The following BMP2K variants were observed in gnomAD, a reference collection of about 807,000 sequenced individuals.
BMP2K encodes BMP-2-inducible protein kinase.
BMP2K carries 74 observed loss-of-function variants against 116.0 expected under a neutral mutation model. The ratio of observed to expected loss-of-function variants is 0.64; its 90% CI spans 0.53 to 0.77. The LOEUF (loss-of-function observed/expected upper bound fraction) is 0.77. Among genes scored for constraint, BMP2K ranks in the 30% least tolerant of loss-of-function variants. BMP2K has a pLI of 0.00. For synonymous variants in BMP2K, 486 were observed against 502.5 expected, an observed-to-expected ratio of 0.97 and a Z score of 0.44; for missense variants, 1,365 against 1,403.6, an observed-to-expected ratio of 0.97 and a Z score of 0.44.
chr4:78,897,646 C>T (rs536172154), intron 15 of BMP2K, among the ~76,000 whole-genome samples: 1 of 152,182 alleles, frequency 6.6e-6, no homozygotes, highest in Non-Finnish European at 1.5e-5. Context: ...TCTGTGTTTT[C>T]ATAGCATTTT....
intron 6 of BMP2K, among the ~76,000 whole-genome samples, chr4:78,848,214 A>C (rs1731099983): frequency 6.6e-6 from 1 of 151,528 alleles, no homozygotes; most frequent in Non-Finnish European, 1.5e-5. Flanking sequence ...CATTCACCAA[A>C]CAGTAATTCT....
At chr4:78,837,927 C>T (rs562838873) in intron 3 of BMP2K, among the ~76,000 whole-genome samples, 1 of 152,180 alleles carries the variant, frequency 6.6e-6, no homozygotes, top group Admixed American at 6.5e-5. Context: ...AAGGGCAGAA[C>T]CAGTGTGGCC....
At chr4:78,862,088 G>A (rs1278946247) in intron 9 of BMP2K, among the ~76,000 whole-genome samples, 2 of 151,776 alleles carry the variant, frequency 1.3e-5, no homozygotes, top group Non-Finnish European at 2.9e-5. Flanking sequence ...TTATCAGACA[G>A]GTATAATACT....
In BMP2K at chr4:78,911,335, G is replaced by A; in HGVS notation, c.2788G>A (p.Asp930Asn). The change falls in exon 16 of 16, where the codon GAT becomes AAT. Residue 930 changes from aspartate (D) to asparagine (N), a missense_variant. Physicochemically the swap from Asp to Asn is conservative, Grantham distance 23. Around this residue, in one of 3 missense-constraint regions of BMP2K, gnomAD observed 596 missense variants for 623.2 expected, o/e 0.96. Coordinates refer to ENST00000502613, the MANE Select transcript of BMP2K (RefSeq NM_198892.2). ...HTIPGYPKSV[D>N]VFGSTPFQPF... ...TATCCCTGGTTATCCCAAAAGTGTA[G>A]ATGTATTTGGCTCCACTCCATTTCA... The A allele has an allele frequency of 1.2e-6, 2 of 1,613,954 alleles. No individual in the cohort carries two copies. The highest frequency in any genetic ancestry group is 1.1e-5 in the South Asian group (1 of 91,070).
chr4:78,875,146 T>C (rs780801676), intron 13 of BMP2K, among the ~76,000 whole-genome samples: 12 of 152,242 alleles, frequency 7.9e-5, no homozygotes, highest in Non-Finnish European at 1.3e-4. Flanking sequence ...ATTAATATTA[T>C]ACCTATTTAA....
intron 8 of BMP2K, chr4:78,859,994 G>A (rs573617460): frequency 1.9e-6 from 1 of 523,328 alleles, no homozygotes; most frequent in African/African-American, 2.0e-5. Context: ...GGGCCTAACA[G>A]TTTAATAAAC....
intron 7 of BMP2K, among the ~76,000 whole-genome samples, chr4:78,851,911 T>C (rs754814611): frequency 6.6e-6 from 1 of 152,084 alleles, no homozygotes; most frequent in Non-Finnish European, 1.5e-5. Flanking sequence ...CCATTAAAAG[T>C]TCCCCCAGAC....
Position 78,910,716 on chromosome 4 carries a change from T to G in BMP2K, c.2169T>G (p.Thr723=). 6.2e-7 allele frequency: 1 copy of G among 1,613,338 alleles called. No homozygotes were observed. ...KTSPASKDQR[T]GKKTSVQGQV... ...GTCCAGCATCTAAAGATCAGCGGACTGGAAAGAAAACCTCAGTACAGGGTC... is the reference window on the plus strand; with the variant it reads ...GTCCAGCATCTAAAGATCAGCGGACGGGAAAGAAAACCTCAGTACAGGGTC... Residue 723 remains threonine, a synonymous_variant, in exon 16 of 16, where the codon ACT becomes ACG. Coordinates refer to ENST00000502613, the MANE Select transcript of BMP2K (RefSeq NM_198892.2).
At chr4:78,791,051 A>AT (rs1436069104) in intron 1 of BMP2K, among the ~76,000 whole-genome samples, 1 of 151,574 alleles carries the variant, frequency 6.6e-6, no homozygotes, top group Non-Finnish European at 1.5e-5. Flanking sequence ...GTTCCTTAAT[A>AT]TTTTTTTATA....
intron 1 of BMP2K, among the ~76,000 whole-genome samples, chr4:78,783,148 A>G (rs552832981): frequency 6.6e-6 from 1 of 152,182 alleles, no homozygotes; most frequent in Non-Finnish European, 1.5e-5. Flanking sequence ...TTTGTGTTTG[A>G]AAAATATCTG....
chr4:78,881,775 C>T (rs1732892360), intron 14 of BMP2K, among the ~76,000 whole-genome samples: 1 of 151,958 alleles, frequency 6.6e-6, no homozygotes, highest in Non-Finnish European at 1.5e-5. Flanking sequence ...TAATGACTTT[C>T]ACCTTTTTTG....
At chr4:78,806,132 G>T (rs973359811) in intron 1 of BMP2K, among the ~76,000 whole-genome samples, 1 of 150,954 alleles carries the variant, frequency 6.6e-6, no homozygotes, top group African/African-American at 2.5e-5. Context: ...TATTAGCTCT[G>T]ATAGGGGGTG....
Position 78,859,689 on chromosome 4 carries a change from T to TA in BMP2K, c.987+4dup. 1 of 1,548,530 alleles carries TA rather than the reference T, an allele frequency of 6.5e-7. No individual in the cohort carries two copies. The highest frequency in any genetic ancestry group is 8.9e-7 in the Non-Finnish European group (1 of 1,125,642). On this transcript the variant is annotated splice_region_variant and intron_variant, in intron 8 of 15. Transcript: ENST00000502613. The stretch of plus-strand genomic sequence containing the variant: ...GATTGTCCAGTCTCCAACATCAATG[T>TA]AAGTAGATTTTCAAGTAGGATATGA...
At chr4:78,791,612 C>G (rs1728003970) in intron 1 of BMP2K, among the ~76,000 whole-genome samples, 1 of 152,152 alleles carries the variant, frequency 6.6e-6, no homozygotes, top group Admixed American at 6.5e-5. Flanking sequence ...TCCACTTCCC[C>G]TATTCCTTTA....
intron 3 of BMP2K, among the ~76,000 whole-genome samples, chr4:78,840,933 G>A (rs1730730026): frequency 6.6e-6 from 1 of 152,084 alleles, no homozygotes; most frequent in Non-Finnish European, 1.5e-5. Context: ...CACCAAGAAA[G>A]CATTTTTTTA....
chr4:78,865,751 AAAGGTT>A (rs1732019407), intron 10 of BMP2K, 31 bp downstream of exon 10: 1 of 1,606,118 alleles, frequency 6.2e-7, no homozygotes, highest in Admixed American at 1.7e-5. Context: ...TCATCCTCTT[AAAGGTT>A]AATGTTAATA....
chr4:78,786,448 TG>T (rs1727736396), intron 1 of BMP2K, among the ~76,000 whole-genome samples: 2 of 150,142 alleles, frequency 1.3e-5, no homozygotes, highest in South Asian at 2.1e-4. Context: ...TGTGTGTGTG[TG>T]TGTTTTGAGA....
intron 1 of BMP2K, among the ~76,000 whole-genome samples, chr4:78,800,632 GTAA>G (rs141012160): frequency 6.6e-6 from 1 of 152,164 alleles, no homozygotes; most frequent in Non-Finnish European, 1.5e-5. Flanking sequence ...TTTGTATTCT[GTAA>G]TAATTTCATG....
chr4:78,819,416 A>G (rs1320732576), intron 1 of BMP2K, among the ~76,000 whole-genome samples: 7 of 152,198 alleles, frequency 4.6e-5, no homozygotes. Flanking sequence ...AAAAGCTACC[A>G]TTTATGGAAT....
Sources: gnomAD v4.1 joint callset for allele counts (sites outside exome capture counted in the v4.1 genomes callset) on GRCh38, gnomAD v4.1.1 for gene constraint, gnomAD v4.1.1 regional missense constraint, MANE v1.5 for transcripts, NCBI Gene and HGNC (gene_info 2026-07-23, HGNC 2026-07-21) for gene names.